Variants in RYR3 observed in about 807,000 individuals in gnomAD.
RYR3 encodes brain ryanodine receptor-calcium release channel.
Under a neutral mutation model 584.3 loss-of-function variants are expected in RYR3, and 207 were observed. That is an observed-to-expected ratio of 0.35 (90% CI 0.32 to 0.40). The LOEUF is 0.40. Ranked by LOEUF, RYR3 falls within the 10% of genes least tolerant of loss-of-function variation. RYR3 has a pLI of 1.00. For missense variants in RYR3, 5,616 were observed against 6,089.2 expected (o/e 0.92, Z 2.59); for synonymous variants, 2,416 against 2,248.5 (o/e 1.07, Z -2.11).
intron 1 of RYR3, among the ~76,000 whole-genome samples, chr15:33,410,788 T>C (rs1380826269): frequency 6.6e-6 from 1 of 152,186 alleles, no homozygotes; most frequent in African/African-American, 2.4e-5. Context: ...AATAAAGACA[T>C]ACCCAAGATT....
intron 19 of RYR3, among the ~76,000 whole-genome samples, chr15:33,616,418 G>A (rs7177922): frequency 0.19 from 29,427 of 152,082 alleles, 3,143 homozygotes; most frequent in Admixed American, 0.26. Flanking sequence ...ACCGCAGTTA[G>A]CAGGTGAAAA....
chr15:33,312,886 C>T lies in RYR3; in HGVS notation c.51+1790C>T, dbSNP rs574546395. Among the ~76,000 whole-genome samples the T allele has an allele frequency of 2.0e-5, 3 of 152,162 alleles. No homozygotes were observed. The South Asian group carries it at 6.2e-4, about 32-fold the overall frequency. ...TTTTTGTTTTTGTTTGTTTTTGGTA[C>T]ACCTGTAGCCAAGGTTTACTATAGT... is the stretch of plus-strand genomic sequence containing the variant. On this transcript the variant is annotated intron_variant, in intron 1 of 103. Transcript: ENST00000634891.
chr15:33,357,816 G>GC (rs1567088148), intron 1 of RYR3, among the ~76,000 whole-genome samples: 3 of 151,908 alleles, frequency 2.0e-5, no homozygotes, highest in African/African-American at 7.3e-5. Context: ...CCCCAGCACC[G>GC]CCCCCAGCAG....
chr15:33,412,481 G>C lies in RYR3; in HGVS notation c.52-60938G>C, dbSNP rs2043479976. Among the ~76,000 whole-genome samples, 1 of 152,146 alleles carries C rather than the reference G, an allele frequency of 6.6e-6. No individual in the cohort carries two copies. The highest frequency in any genetic ancestry group is 2.4e-5 in the African/African-American group (1 of 41,426). On this transcript the variant is annotated intron_variant, in intron 1 of 103. Coordinates refer to ENST00000634891, the MANE Select transcript of RYR3 (RefSeq NM_001036.6). This position sits in a 1 kb window ranked among gnomAD's most constrained non-coding sequence, Gnocchi z 4.3. ...CAAATAATTTGGTTGTCACCAGTAG[G>C]ATCACTTTGAAGCCACCCTGGCCAC...
intron 43 of RYR3, among the ~76,000 whole-genome samples, chr15:33,720,837 G>C (rs1270666703): frequency 6.6e-6 from 1 of 151,716 alleles, no homozygotes; most frequent in Non-Finnish European, 1.5e-5. Context: ...TCATGCCACT[G>C]TACTCCAGCC....
chr15:33,415,725 A>T (rs1036751119), intron 1 of RYR3, among the ~76,000 whole-genome samples: 31 of 152,136 alleles, frequency 2.0e-4, no homozygotes, highest in African/African-American at 7.2e-4. Context: ...AAAAAAATTT[A>T]GATTTGAGGG....
At chr15:33,404,264 T>G (rs933890226) in intron 1 of RYR3, among the ~76,000 whole-genome samples, 6 of 152,326 alleles carry the variant, frequency 3.9e-5, no homozygotes, top group Middle Eastern at 3.4e-3. Flanking sequence ...AAAATTCACT[T>G]TTATTGAACG....
At chr15:33,439,327 A>G (rs1241116509) in intron 1 of RYR3, among the ~76,000 whole-genome samples, 1 of 152,194 alleles carries the variant, frequency 6.6e-6, no homozygotes, top group East Asian at 1.9e-4. Context: ...CAGTAAATAT[A>G]CTTGATTTGT....
chr15:33,480,647 T>A (rs2142333776), intron 2 of RYR3, among the ~76,000 whole-genome samples: 1 of 152,334 alleles, frequency 6.6e-6, no homozygotes, highest in South Asian at 2.1e-4. Flanking sequence ...AAACAATGAA[T>A]CAGTGGGATA....
chr15:33,852,374 G>C (rs527388693), intron 94 of RYR3: 4 of 152,224 alleles, frequency 2.6e-5, no homozygotes, highest in African/African-American at 9.6e-5. Context: ...AGTGGAGCTG[G>C]TACAAGCTAC....
Position 33,669,368 on chromosome 15 carries a change from T to G in RYR3, c.5634T>G (p.Leu1878=). The G allele has an allele frequency of 3.7e-6, 6 of 1,613,952 alleles. No individual in the cohort carries two copies. The highest frequency in any genetic ancestry group is 5.1e-6 in the Non-Finnish European group (6 of 1,179,854). The change falls in exon 37 of 104, where the codon CTT becomes CTG. Residue 1878 remains leucine (L), a synonymous_variant. Transcript: ENST00000634891. Reference sequence around the variant, plus strand: ...GCCTCTCAAAGATCAACATGCTGCTTAACTTTCAACTGGGAGAGAACTGCC... The same window carrying G: ...GCCTCTCAAAGATCAACATGCTGCTGAACTTTCAACTGGGAGAGAACTGCC... The part of the protein sequence containing the change: ...SPPQEQINML[L]NFQLGENCPC...
In RYR3 at chr15:33,670,503, G is replaced by A; in HGVS notation, c.5807G>A (p.Gly1936Asp). Residue 1936 changes from glycine (G) to aspartate (D), a missense_variant, in exon 38 of 104, where the codon GGC becomes GAC. Coordinates refer to ENST00000634891, the MANE Select transcript of RYR3 (RefSeq NM_001036.6). ...TGTGCCTTGGTTTACAAAATCAAAG[G>A]CCCACCCAAGCCAGAGAAGGAGCAG... ...KLCALVYKIKGPPKPEKEQPT... is the reference protein window; with the variant it reads ...KLCALVYKIKDPPKPEKEQPT... 1 of 1,603,940 alleles carries A rather than the reference G, an allele frequency of 6.2e-7. No individual in the cohort carries two copies. Among genetic ancestry groups the A allele is most frequent in the Non-Finnish European group, 8.5e-7 (1 of 1,177,144 alleles).
At chr15:33,804,102 A>C (rs1293465183) in intron 69 of RYR3, among the ~76,000 whole-genome samples, 3 of 152,228 alleles carry the variant, frequency 2.0e-5, no homozygotes, top group Non-Finnish European at 4.4e-5. Context: ...TGAATGAGGA[A>C]AAGCGGGTGT....
chr15:33,696,479 T>G lies in RYR3; in HGVS notation c.6122T>G (p.Ile2041Ser). The G allele has an allele frequency of 6.2e-7, 1 of 1,613,994 alleles. No individual in the cohort carries two copies. The highest frequency in any genetic ancestry group is 8.5e-7 in the Non-Finnish European group (1 of 1,179,874). ...GGCAAGGAAGAGGAGTTGCTCATGA[T>G]CAATGGGCTGGGGTAGGTGATTCAC... Reference protein sequence around the residue: ...RMGKEEELLMINGLGDIMNNK... With the variant: ...RMGKEEELLMSNGLGDIMNNK... The change falls in exon 39 of 104, where the codon ATC becomes AGC. Residue 2041 changes from isoleucine (I) to serine (S), a missense_variant. Physicochemically the swap from Ile to Ser is moderately radical, Grantham distance 142. This residue lies in a region of RYR3 where 1,280 missense variants were observed against 1,426.2 expected (regional missense o/e 0.90). Transcript: ENST00000634891.
rs577220621 is a variant in RYR3, at chr15:33,629,708, T to A, written c.2680-232T>A. Among the ~76,000 whole-genome samples the A allele has an allele frequency of 2.6e-5, 4 of 152,346 alleles. No individual in the cohort carries two copies. The East Asian group carries it at 7.7e-4, about 29-fold the overall frequency. ...CTTCTTTCGGAAAGTATGTTCAAAA[T>A]GCAGATGCCTGTCTAGAAATAAATC... On this transcript the variant is annotated intron_variant, in intron 21 of 103. Transcript: ENST00000634891.
chr15:33,859,088 C>A, intron 99 of RYR3: 1 of 154,558 alleles, frequency 6.5e-6, no homozygotes, highest in Non-Finnish European at 1.4e-5. Context: ...CCTAGATTGG[C>A]TCAAACCTGC....
intron 5 of RYR3, among the ~76,000 whole-genome samples, chr15:33,535,092 A>T (rs538442720): frequency 6.4e-4 from 97 of 152,382 alleles, no homozygotes; most frequent in African/African-American, 2.1e-3. Context: ...CTGCAGGAAA[A>T]GTCTAATTTG....
At chr15:33,658,062 T>C (rs1332133429) in intron 32 of RYR3, among the ~76,000 whole-genome samples, 1 of 152,192 alleles carries the variant, frequency 6.6e-6, no homozygotes, top group African/African-American at 2.4e-5. Flanking sequence ...AAATTACAAA[T>C]TTAGCGGCTT....
intron 37 of RYR3, among the ~76,000 whole-genome samples, chr15:33,669,995 GC>G (rs1443262624): frequency 1.6e-4 from 25 of 152,012 alleles, no homozygotes; most frequent in African/African-American, 5.8e-4. Context: ...CATTTGTGTT[GC>G]TTGTACATGG....
Sources: allele counts gnomAD v4.1 joint callset (sites outside exome capture counted in the v4.1 genomes callset), GRCh38; gene constraint gnomAD v4.1.1; regional missense constraint gnomAD v4.1.1; non-coding constraint Gnocchi (gnomAD v3.1); transcripts MANE v1.5; gene names NCBI Gene and HGNC (gene_info 2026-07-23, HGNC 2026-07-21).